The following MMRN2 variants were observed in gnomAD, a reference collection of about 807,000 sequenced individuals.
MMRN2 encodes multimerin 2.
MMRN2 carries 53 observed loss-of-function variants against 68.8 expected under a neutral mutation model. That is an observed-to-expected ratio of 0.77 (90% confidence interval 0.62 to 0.97). The LOEUF is 0.97. Among genes scored for constraint, MMRN2 ranks in the 50% least tolerant of loss-of-function variants. The pLI, the probability that MMRN2 is intolerant of heterozygous loss-of-function variation, is 0.00. For synonymous variants in MMRN2, 564 were observed against 551.6 expected (o/e 1.02, Z -0.32); for missense variants, 1,266 against 1,259.5 (o/e 1.01, Z -0.08).
chr10:86,942,000 G>A (rs1843978075), intron 6 of MMRN2, among the ~76,000 whole-genome samples: 2 of 152,236 alleles, frequency 1.3e-5, no homozygotes, highest in African/African-American at 2.4e-5. Context: ...AGGCTGCCCT[G>A]GCAGGGCAGG....
rs772097420 is a variant in MMRN2, at chr10:86,945,392, C to T, written c.378G>A (p.Thr126=). 11 of 1,586,778 alleles carry T rather than the reference C, an allele frequency of 6.9e-6. No individual in the cohort carries two copies. Among genetic ancestry groups the T allele is most frequent in the East Asian group, 6.8e-5 (3 of 43,894 alleles). Residue 126 remains threonine, a synonymous_variant, in exon 3 of 7, where the codon ACG becomes ACA. Transcript: ENST00000372027. The stretch of plus-strand genomic sequence containing the variant: ...TACCGTGGTGCTCGCAGTTGGGGCC[C>T]GTGTAGCCAGGGCAGCACCTCCAGG... ...SLAWRCCPGY[T]GPNCEHHDSM... is the part of the protein sequence containing the mutation.
At chr10:86,940,733 C>T (rs1564730893) in intron 6 of MMRN2, among the ~76,000 whole-genome samples, 1 of 152,218 alleles carries the variant, frequency 6.6e-6, no homozygotes, top group African/African-American at 2.4e-5. Flanking sequence ...TCAACAAGGC[C>T]TTGGACTTGC....
chr10:86,957,384 A>T lies in MMRN2; in HGVS notation c.158T>A (p.Val53Glu). The T allele has an allele frequency of 6.2e-7, 1 of 1,613,110 alleles. No individual in the cohort carries two copies. Among genetic ancestry groups the T allele is most frequent in the Non-Finnish European group, 8.5e-7 (1 of 1,179,852 alleles). ...AEAEDTGKDP[V>E]GRNWCPYPMS... ...AAGGTCCAGGCCCTCTTACCGTCCT[A>T]CGGGGTCCTTGCCGGTGTCCTCAGC... The change falls in exon 1 of 7, where the codon GTA becomes GAA. Residue 53 changes from valine (V) to glutamate (E), a missense_variant. Coordinates refer to ENST00000372027, the MANE Select transcript of MMRN2 (RefSeq NM_024756.3).
At position 86,957,504 on chromosome 10, in the gene MMRN2, A is replaced by AG; in HGVS notation, c.37dup (p.Leu13ProfsTer16). ...CCATGCCCCCAGCAGCCCCCAGCCC[A>AG]GGGGGCCCCCAAGGCTGAACAGCAA... On this transcript the variant is annotated frameshift_variant, in exon 1 of 7. Transcript: ENST00000372027. LOFTEE classifies it high-confidence loss of function. 1 of 1,612,690 alleles carries AG rather than the reference A, an allele frequency of 6.2e-7. No individual in the cohort carries two copies. Among genetic ancestry groups the AG allele is most frequent in the Non-Finnish European group, 8.5e-7 (1 of 1,179,844 alleles).
At position 86,936,764 on chromosome 10, in the gene MMRN2, G is replaced by A; in HGVS notation, c.2829C>T (p.Gly943=). Residue 943 remains glycine (G), a synonymous_variant, in exon 7 of 7, where the codon GGC becomes GGT. Coordinates refer to ENST00000372027, the MANE Select transcript of MMRN2 (RefSeq NM_024756.3). Reference sequence around the variant, plus strand: ...GGGTTCAGGTCTTAAACATCAGGAAGCCCCCAAATGCAGTGCCCGACAGGC... The same window carrying A: ...GGGTTCAGGTCTTAAACATCAGGAAACCCCCAAATGCAGTGCCCGACAGGC... ...KRSLSGTAFG[G]FLMFKT is the part of the protein sequence containing the mutation. 1 of 1,614,116 alleles carries A rather than the reference G, an allele frequency of 6.2e-7. No homozygotes were observed.
At position 86,936,716 on chromosome 10, in the gene MMRN2, G is replaced by C; in HGVS notation, c.*27C>G. On this transcript the variant is annotated 3_prime_UTR_variant, in exon 7 of 7. Transcript: ENST00000372027. ...GCCGAGGAGAGCTGGGCGAGTCCAT[G>C]ATGTCTGATCAGATTGGGGCTGGGG... is the stretch of plus-strand genomic sequence containing the variant. 6.2e-7 allele frequency: 1 copy of C among 1,607,794 alleles called. No homozygotes were observed. The highest frequency in any genetic ancestry group is 2.2e-5 in the East Asian group (1 of 44,766).
chr10:86,943,482 C>A lies in MMRN2; in HGVS notation c.1302G>T (p.Glu434Asp). The A allele has an allele frequency of 6.2e-7, 1 of 1,614,200 alleles. No homozygotes were observed. The highest frequency in any genetic ancestry group is 8.5e-7 in the Non-Finnish European group (1 of 1,180,040). ...DQISKVERQVEELQVNHTALR... is the reference protein window; with the variant it reads ...DQISKVERQVDELQVNHTALR... Reference sequence around the variant, plus strand: ...GCGCCGTGTGGTTCACCTGCAGCTCCTCCACCTGCCGCTCCACCTTGCTAA... The same window carrying A: ...GCGCCGTGTGGTTCACCTGCAGCTCATCCACCTGCCGCTCCACCTTGCTAA... The change falls in exon 6 of 7, where the codon GAG becomes GAT. Residue 434 changes from glutamate (E) to aspartate (D), a missense_variant. By Grantham distance (45) the Glu-to-Asp change is conservative. Transcript: ENST00000372027. This position sits in a 1 kb window ranked among gnomAD's most constrained non-coding sequence, Gnocchi z 4.2.
intron 1 of MMRN2, among the ~76,000 whole-genome samples, chr10:86,954,442 G>A (rs1265736871): frequency 6.6e-6 from 1 of 152,238 alleles, no homozygotes; most frequent in African/African-American, 2.4e-5. Context: ...TGCCTCTGCG[G>A]CACACAGATC....
intron 6 of MMRN2, among the ~76,000 whole-genome samples, chr10:86,939,806 GGTGTGTGTGTGTGT>G (rs769816445): frequency 1.6e-4 from 24 of 146,626 alleles, no homozygotes; most frequent in African/African-American, 3.3e-4. Context: ...GGAAATTTGG[GGTGTGTGTGTGTGT>G]GTGTGTGTGT....
intron 1 of MMRN2, among the ~76,000 whole-genome samples, chr10:86,947,228 G>A (rs577870475): frequency 6.6e-6 from 1 of 152,316 alleles, no homozygotes; most frequent in East Asian, 1.9e-4. Context: ...TGGGCTCTTA[G>A]AAAGCAGCAT....
In MMRN2 at chr10:86,944,027, G is replaced by C; in HGVS notation, c.757C>G (p.His253Asp). The change falls in exon 6 of 7, where the codon CAC becomes GAC. Residue 253 changes from histidine to aspartate, a missense_variant. Physicochemically the swap from His to Asp is moderately conservative, Grantham distance 81. Transcript: ENST00000372027. ...PIWRSFNQSL[H>D]SLTQAIRNLS... is the part of the protein sequence containing the mutation. ...TTTCTTATGGCCTGGGTAAGGCTGTGCAGGCTTTGGTTAAAGCTCCTCCAG... is the reference window on the plus strand; with the variant it reads ...TTTCTTATGGCCTGGGTAAGGCTGTCCAGGCTTTGGTTAAAGCTCCTCCAG... The C allele has an allele frequency of 6.2e-7, 1 of 1,614,118 alleles. No individual in the cohort carries two copies. Among genetic ancestry groups the C allele is most frequent in the Non-Finnish European group, 8.5e-7 (1 of 1,180,036 alleles).
At chr10:86,940,135 C>T (rs562166085) in intron 6 of MMRN2, among the ~76,000 whole-genome samples, 4 of 151,840 alleles carry the variant, frequency 2.6e-5, no homozygotes, top group African/African-American at 7.2e-5. Context: ...GTCTCAGCCT[C>T]CCGAGTAGCT....
chr10:86,944,299 G>A lies in MMRN2; in HGVS notation c.618C>T (p.Leu206=). Residue 206 remains leucine, a synonymous_variant, in exon 5 of 7, where the codon CTC becomes CTT. Coordinates refer to ENST00000372027, the MANE Select transcript of MMRN2 (RefSeq NM_024756.3). Reference sequence around the variant, plus strand: ...GATTTGCTTCCATCACTGCAGCTGTGAGGTTACCAGGCAGGGCTTTCCACA... The same window carrying A: ...GATTTGCTTCCATCACTGCAGCTGTAAGGTTACCAGGCAGGGCTTTCCACA... ...PGLWKALPGN[L]TAAVMEANQT... 1 of 1,613,060 alleles carries A rather than the reference G, an allele frequency of 6.2e-7. No individual in the cohort carries two copies. The highest frequency in any genetic ancestry group is 1.1e-5 in the South Asian group (1 of 91,022).
At chr10:86,945,519 C>T in intron 2 of MMRN2, 42 bp downstream of exon 2, 1 of 1,561,056 alleles carries the variant, frequency 6.4e-7, no homozygotes, top group South Asian at 1.2e-5. Flanking sequence ...CAGGGAGGGC[C>T]CGCTCCAGGC....
chr10:86,942,978 G>A lies in MMRN2; in HGVS notation c.1806C>T (p.Asp602=), dbSNP rs1373766288. The A allele has an allele frequency of 1.3e-6, 2 of 1,483,660 alleles. No individual in the cohort carries two copies. The highest frequency in any genetic ancestry group is 2.0e-5 in the Admixed American group (1 of 48,874). 91.9% of individuals were successfully genotyped at this position (1,483,660 alleles called of 1,614,324 possible). ...CCAGCACCGCCTCGTGCCGCAGCGC[G>A]TCCTCCAGCAGGGCGGCGAAGGCGC... ...LHSAFAALLE[D]ALRHEAVLAA... is the part of the protein sequence containing the mutation. Residue 602 remains aspartate, a synonymous_variant, in exon 6 of 7, where the codon GAC becomes GAT. Transcript: ENST00000372027.
chr10:86,943,239 C>T lies in MMRN2; in HGVS notation c.1545G>A (p.Leu515=), dbSNP rs1844005399. The T allele has an allele frequency of 6.2e-7, 1 of 1,612,326 alleles. No homozygotes were observed. The highest frequency in any genetic ancestry group is 1.1e-5 in the South Asian group (1 of 91,066). ...CGTCCAGGCTCACCTGGGTCTCCTC[C>T]AGGGCACGCGTGGCGTCCCTCTGGC... is the stretch of plus-strand genomic sequence containing the variant. ...REGQRDATRA[L]EETQVSLDER... Residue 515 remains leucine, a synonymous_variant, in exon 6 of 7, where the codon CTG becomes CTA. Coordinates refer to ENST00000372027, the MANE Select transcript of MMRN2 (RefSeq NM_024756.3). The surrounding 1 kb of genome is among the most constrained non-coding windows in gnomAD (Gnocchi z 4.2).
At chr10:86,941,410 A>G (rs1843961408) in intron 6 of MMRN2, among the ~76,000 whole-genome samples, 1 of 152,206 alleles carries the variant, frequency 6.6e-6, no homozygotes, top group Admixed American at 6.5e-5. Context: ...TTATAACAGT[A>G]TACTGTAATA....
intron 6 of MMRN2, among the ~76,000 whole-genome samples, chr10:86,937,575 AT>A (rs2133673019): frequency 6.6e-6 from 1 of 152,038 alleles, no homozygotes; most frequent in South Asian, 2.1e-4. Context: ...GTGAGCCACC[AT>A]GCCCAGCCAC....
chr10:86,942,989 G>A lies in MMRN2; in HGVS notation c.1795C>T (p.Leu599=), dbSNP rs1412832896. 2.0e-6 allele frequency: 3 copies of A among 1,463,514 alleles called. No homozygotes were observed. Among genetic ancestry groups the A allele is most frequent in the East Asian group, 6.1e-5 (2 of 32,950 alleles). The allele number at this position is 1,463,514 out of a possible 1,614,324, so 90.7% of individuals were successfully genotyped here. ...VRQLHSAFAA[L]LEDALRHEAV... ...TCGTGCCGCAGCGCGTCCTCCAGCA[G>A]GGCGGCGAAGGCGCTGTGCAGCTGG... Residue 599 remains leucine (L), a synonymous_variant, in exon 6 of 7, where the codon CTG becomes TTG. Coordinates refer to ENST00000372027, the MANE Select transcript of MMRN2 (RefSeq NM_024756.3).
Sources: gnomAD v4.1 joint callset for allele counts (sites outside exome capture counted in the v4.1 genomes callset) on GRCh38, gnomAD v4.1.1 for gene constraint, Gnocchi (gnomAD v3.1) non-coding constraint, MANE v1.5 for transcripts, NCBI Gene and HGNC (gene_info 2026-07-23, HGNC 2026-07-21) for gene names.